Variants in XKR4 observed in about 807,000 individuals in gnomAD.
The protein encoded by XKR4 is XK-related protein 4.
Under a neutral mutation model 53.9 loss-of-function variants are expected in XKR4, and 12 were observed. That is an observed-to-expected ratio of 0.22 (90% CI 0.14 to 0.36). The LOEUF (loss-of-function observed/expected upper bound fraction) is 0.36, where lower values mean the gene tolerates loss of function less well. XKR4 is among the 10% of genes least tolerant of loss of function. The pLI is 1.00. For missense variants in XKR4, 799 were observed against 859.5 expected, an observed-to-expected ratio of 0.93 and a Z score of 0.88; for synonymous variants, 354 against 362.4, an observed-to-expected ratio of 0.98 and a Z score of 0.26.
chr8:55,476,144 A>G (rs975467265), intron 2 of XKR4, among the ~76,000 whole-genome samples: 9 of 152,094 alleles, frequency 5.9e-5, no homozygotes, highest in African/African-American at 2.2e-4. Context: ...GGTAGTAGGT[A>G]GAGCCTCAGA....
intron 1 of XKR4, among the ~76,000 whole-genome samples, chr8:55,201,619 G>A (rs550517847): frequency 1.3e-5 from 2 of 152,258 alleles, no homozygotes; most frequent in Admixed American, 1.3e-4. Flanking sequence ...TATTTCTATG[G>A]CTAAAATTTG....
chr8:55,528,791 T>A lies in XKR4; in HGVS notation c.*4564T>A, dbSNP rs1806911238. 1 of 152,046 alleles carries A rather than the reference T, an allele frequency of 6.6e-6. No homozygotes were observed. Among genetic ancestry groups the A allele is most frequent in the Non-Finnish European group, 1.5e-5 (1 of 68,018 alleles). The allele number at this position is 152,046 out of a possible 1,614,324, so 9.4% of individuals were successfully genotyped here. A position where few individuals can be genotyped will look rare whatever the true frequency, so the allele number is the denominator to read the frequency against. On this transcript the variant is annotated 3_prime_UTR_variant, in exon 3 of 3. Transcript: ENST00000327381. ...TTTTGAAAACAATCAAAAAGATCGC[T>A]TGTGTCAGCTTCTGACTCATAACAC...
chr8:55,339,867 C>CAA (rs200070501), intron 1 of XKR4, among the ~76,000 whole-genome samples: 1 of 150,702 alleles, frequency 6.6e-6, no homozygotes, highest in African/African-American at 2.4e-5. Flanking sequence ...ATGTTTTTTC[C>CAA]AAAAAAAACA....
intron 1 of XKR4, among the ~76,000 whole-genome samples, chr8:55,270,792 T>C (rs911987841): frequency 6.6e-6 from 1 of 152,212 alleles, no homozygotes; most frequent in Admixed American, 6.5e-5. Context: ...TGCAAAGTCA[T>C]TCATTTCTTC....
chr8:55,296,178 T>C (rs1425188668), intron 1 of XKR4, among the ~76,000 whole-genome samples: 3 of 152,128 alleles, frequency 2.0e-5, no homozygotes, highest in Admixed American at 6.6e-5. Context: ...AACAGCAACA[T>C]ACCAGGAATC....
At chr8:55,240,062 C>G (rs1174580090) in intron 1 of XKR4, among the ~76,000 whole-genome samples, 1 of 152,176 alleles carries the variant, frequency 6.6e-6, no homozygotes, top group Non-Finnish European at 1.5e-5. Flanking sequence ...TGTCTACCTG[C>G]TAAACTGTTA....
At chr8:55,344,174 G>A (rs1339714189) in intron 1 of XKR4, among the ~76,000 whole-genome samples, 3 of 152,188 alleles carry the variant, frequency 2.0e-5, no homozygotes, top group African/African-American at 7.2e-5. Flanking sequence ...CCCAATGGAT[G>A]TGACGGGTCA....
chr8:55,484,065 C>T (rs1806156424), intron 2 of XKR4, among the ~76,000 whole-genome samples: 1 of 152,160 alleles, frequency 6.6e-6, no homozygotes, highest in Non-Finnish European at 1.5e-5. Flanking sequence ...AATAACACTA[C>T]TCTCATAAAG....
At chr8:55,287,476 C>T (rs1818924255) in intron 1 of XKR4, among the ~76,000 whole-genome samples, 1 of 152,238 alleles carries the variant, frequency 6.6e-6, no homozygotes, top group African/African-American at 2.4e-5. Context: ...GATGTTTCAG[C>T]TTCTCCTAAG....
intron 1 of XKR4, among the ~76,000 whole-genome samples, chr8:55,319,209 T>C (rs1273844688): frequency 6.6e-6 from 1 of 152,210 alleles, no homozygotes; most frequent in Non-Finnish European, 1.5e-5. Flanking sequence ...TTCCCTGTGA[T>C]ATTTTTCTTT....
At chr8:55,312,501 T>A (rs182643290) in intron 1 of XKR4, among the ~76,000 whole-genome samples, 32 of 152,300 alleles carry the variant, frequency 2.1e-4, no homozygotes, top group African/African-American at 7.5e-4. Context: ...GAGATTCTTA[T>A]CCTGGGATCC....
intron 2 of XKR4, among the ~76,000 whole-genome samples, chr8:55,499,664 A>G (rs1806406803): frequency 6.6e-6 from 1 of 152,230 alleles, no homozygotes; most frequent in South Asian, 2.1e-4. Context: ...AAAGATGATG[A>G]AAAGAATTCA....
intron 1 of XKR4, among the ~76,000 whole-genome samples, chr8:55,136,971 A>G (rs540793685): frequency 6.6e-6 from 1 of 152,332 alleles, no homozygotes; most frequent in East Asian, 1.9e-4. Flanking sequence ...TATAGCATGA[A>G]TAAGTGCCTG....
At chr8:55,221,719 G>T (rs1326317324) in intron 1 of XKR4, among the ~76,000 whole-genome samples, 1 of 152,178 alleles carries the variant, frequency 6.6e-6, no homozygotes, top group Non-Finnish European at 1.5e-5. Context: ...CTCTTCCAGG[G>T]TGCTCTAGTG....
rs1806949877 is a variant in XKR4, at chr8:55,531,296, T to C, written c.*7069T>C. On this transcript the variant is annotated 3_prime_UTR_variant, in exon 3 of 3. Transcript: ENST00000327381. Reference sequence around the variant, plus strand: ...CTGTACAGCATGCTACTGTACCGAATACTGTAGGCAACTGTAACACCATGG... The same window carrying C: ...CTGTACAGCATGCTACTGTACCGAACACTGTAGGCAACTGTAACACCATGG... 6.6e-6 allele frequency: 1 copy of C among 152,210 alleles called. No individual in the cohort carries two copies. Among genetic ancestry groups the C allele is most frequent in the Admixed American group, 6.5e-5 (1 of 15,280 alleles). The allele number at this position is 152,210 out of a possible 1,614,324, so 9.4% of individuals were successfully genotyped here. A position where few individuals can be genotyped will look rare whatever the true frequency, so the allele number is the denominator to read the frequency against.
chr8:55,378,036 T>G (rs978842182), intron 2 of XKR4, among the ~76,000 whole-genome samples: 8 of 152,144 alleles, frequency 5.3e-5, no homozygotes, highest in African/African-American at 1.4e-4. Flanking sequence ...GAATAGAAAT[T>G]AAAAGTAACA....
At chr8:55,305,719 G>A (rs1286789492) in intron 1 of XKR4, among the ~76,000 whole-genome samples, 1 of 152,010 alleles carries the variant, frequency 6.6e-6, no homozygotes, top group African/African-American at 2.4e-5. Context: ...GTGATGTTGG[G>A]GAAATTAGCC....
chr8:55,443,294 T>G (rs563631168), intron 2 of XKR4, among the ~76,000 whole-genome samples: 1 of 151,906 alleles, frequency 6.6e-6, no homozygotes, highest in Non-Finnish European at 1.5e-5. Flanking sequence ...TTAATACTTT[T>G]GAATATATAT....
chr8:55,130,744 C>CGT lies in XKR4; in HGVS notation c.806+27464_806+27465dup, dbSNP rs558620543. On this transcript the variant is annotated intron_variant, in intron 1 of 2. Coordinates refer to ENST00000327381, the MANE Select transcript of XKR4 (RefSeq NM_052898.2). The stretch of plus-strand genomic sequence containing the variant: ...ATGTAAGTTGTAGTGTATATGTGCA[C>CGT]GTGTGTGTGTGTGTGGACATGACAC... 9.0e-4 allele frequency among the ~76,000 whole-genome samples: 137 copies of CGT among 151,434 alleles called. 1 individual carries two copies. Among genetic ancestry groups the CGT allele is most frequent in the Admixed American group, 5.9e-3 (90 of 15,194 alleles).
Sources: allele counts gnomAD v4.1 joint callset (sites outside exome capture counted in the v4.1 genomes callset), GRCh38; gene constraint gnomAD v4.1.1; transcripts MANE v1.5; gene names NCBI Gene and HGNC (gene_info 2026-07-23, HGNC 2026-07-21).